The following SLC44A2 variants were observed in gnomAD, a reference collection of about 807,000 sequenced individuals.
SLC44A2 encodes solute carrier family 44 member 2 (CTL2 blood group), also known as choline transporter-like protein 2.
Under a neutral mutation model 90.8 loss-of-function variants are expected in SLC44A2, and 57 were observed. The ratio of observed to expected loss-of-function variants is 0.63; its 90% CI spans 0.51 to 0.78. The LOEUF is 0.78. Among genes scored for constraint, SLC44A2 ranks in the 30% least tolerant of loss-of-function variants. The pLI, the probability that SLC44A2 is intolerant of heterozygous loss-of-function variation, is 0.00. For missense variants in SLC44A2, 794 were observed against 919.7 expected (o/e 0.86, Z 1.77); for synonymous variants, 355 against 360.7 (o/e 0.98, Z 0.18).
At chr19:10,642,715 G>T (rs532809533) in intron 21 of SLC44A2, among the ~76,000 whole-genome samples, 108 of 152,250 alleles carry the variant, frequency 7.1e-4, no homozygotes, top group Non-Finnish European at 1.3e-3. Flanking sequence ...GGCTTTGACT[G>T]GGGGGAGGGG....
chr19:10,634,623 G>A (rs950859780), intron 10 of SLC44A2, 133 bp from the exon 11 acceptor site: 47 of 1,239,180 alleles, frequency 3.8e-5, no homozygotes, highest in Middle Eastern at 4.3e-4. Context: ...TGCACCGGGC[G>A]GTGGGAACTG....
rs759832103 is a variant in SLC44A2, at chr19:10,631,758, A to G, written c.626+9A>G. The G allele has an allele frequency of 4.3e-6, 7 of 1,613,766 alleles. No individual in the cohort carries two copies. In the Admixed American group the frequency reaches 8.3e-5, roughly 19 times the overall value. ...CTGGTGGAGGGCGCCAAGTGAGGAT[A>G]TTGGCGCACCGCGCCAGGGTCTCAC... On this transcript the variant is annotated intron_variant, in intron 8 of 21. Transcript: ENST00000335757.
intron 4 of SLC44A2, among the ~76,000 whole-genome samples, chr19:10,630,630 C>CAG (rs1464102897): frequency 1.4e-5 from 2 of 144,208 alleles, no homozygotes; most frequent in East Asian, 4.0e-4. Flanking sequence ...CATTGCACTC[C>CAG]AGCCTAGGCA....
At chr19:10,620,527 G>A (rs1016861128) in intron 1 of SLC44A2, among the ~76,000 whole-genome samples, 3 of 152,044 alleles carry the variant, frequency 2.0e-5, no homozygotes, top group Non-Finnish European at 4.4e-5. Flanking sequence ...TTCTAAGCTC[G>A]TTTTTATTTT....
At chr19:10,625,726 G>A in intron 1 of SLC44A2, 56 bp downstream of exon 1, 1 of 1,225,120 alleles carries the variant, frequency 8.2e-7, no homozygotes, top group Non-Finnish European at 1.0e-6. Flanking sequence ...CCTCGGAGGG[G>A]GCCTTGAGAG....
intron 4 of SLC44A2, among the ~76,000 whole-genome samples, chr19:10,629,749 A>G (rs1181088326): frequency 2.0e-5 from 3 of 150,914 alleles, no homozygotes; most frequent in African/African-American, 4.9e-5. Flanking sequence ...CTGGCCCTAT[A>G]TAAGATATCT....
At position 10,644,535 on chromosome 19, in the gene SLC44A2, A is replaced by G. The variant is rs2067148858; in HGVS notation, c.*1150A>G. On this transcript the variant is annotated 3_prime_UTR_variant, in exon 22 of 22. Transcript: ENST00000335757. ...GCGTGTAACTGCATTCCAACCACTA[A>G]TAAAGTGCCTATTGTACAGGTCCAG... is the stretch of plus-strand genomic sequence containing the variant. 6.6e-6 allele frequency: 1 copy of G among 152,384 alleles called. No homozygotes were observed. Among genetic ancestry groups the G allele is most frequent in the South Asian group, 2.1e-4 (1 of 4,830 alleles). The allele number at this position is 152,384 out of a possible 1,614,324, so 9.4% of individuals were successfully genotyped here.
intron 10 of SLC44A2, among the ~76,000 whole-genome samples, chr19:10,632,635 C>G (rs1208042605): frequency 2.0e-5 from 3 of 151,076 alleles, no homozygotes; most frequent in African/African-American, 7.3e-5. Flanking sequence ...TTTGCCAATT[C>G]TTTGGGCAAG....
chr19:10,611,012 A>T (rs774704041), intron 1 of SLC44A2, among the ~76,000 whole-genome samples: 24 of 151,412 alleles, frequency 1.6e-4, no homozygotes, highest in Non-Finnish European at 3.1e-4. Flanking sequence ...TTTTTAATTT[A>T]AAAAAAAATT....
Position 10,638,828 on chromosome 19 carries a change from T to G in SLC44A2, c.1929+513T>G, listed in dbSNP as rs189488252. On this transcript the variant is annotated intron_variant, in intron 20 of 21. Transcript: ENST00000335757. Reference sequence around the variant, plus strand: ...TTTTTTTTTTTTTTGAGATGGAGTTTCACTCTTGTTGCCCAGGCTGGAGTG... The same window carrying G: ...TTTTTTTTTTTTTTGAGATGGAGTTGCACTCTTGTTGCCCAGGCTGGAGTG... Among the ~76,000 whole-genome samples, 46 of 150,466 alleles carry G rather than the reference T, an allele frequency of 3.1e-4. No individual in the cohort carries two copies. In the Middle Eastern group the frequency reaches 0.014, roughly 46 times the overall value.
At position 10,631,923 on chromosome 19, in the gene SLC44A2, T is replaced by C. The variant is rs753281442; in HGVS notation, c.682T>C (p.Tyr228His). The stretch of plus-strand genomic sequence containing the variant: ...ACTCGCCATGCGCATATTTGAAGAT[T>C]ACACCGTCTCTTGGTACTGGATTAT... ...RQLAMRIFED[Y>H]TVSWYWIIIG... Residue 228 changes from tyrosine (Y) to histidine (H), a missense_variant, in exon 9 of 22, where the codon TAC becomes CAC. By Grantham distance (83) the Tyr-to-His change is moderately conservative. Coordinates refer to ENST00000335757, the MANE Select transcript of SLC44A2 (RefSeq NM_020428.4). The C allele has an allele frequency of 6.2e-7, 1 of 1,614,222 alleles. No homozygotes were observed. Among genetic ancestry groups the C allele is most frequent in the Non-Finnish European group, 8.5e-7 (1 of 1,180,046 alleles).
At chr19:10,602,464 G>T, upstream of SLC44A2, 1 of 1,116,146 alleles carries the variant, frequency 9.0e-7, no homozygotes, top group South Asian at 4.2e-5. Flanking sequence ...TGCAGCCCGC[G>T]GAGCCTCCCG....
upstream of SLC44A2, among the ~76,000 whole-genome samples, chr19:10,624,891 T>C (rs1183184916): frequency 1.3e-5 from 2 of 152,192 alleles, no homozygotes; most frequent in South Asian, 2.1e-4. Flanking sequence ...TCCCAGCACT[T>C]TGGGGGGCCA....
At position 10,632,094 on chromosome 19, in the gene SLC44A2, G is replaced by C; in HGVS notation, c.761G>C (p.Arg254Pro). 1 of 1,614,070 alleles carries C rather than the reference G, an allele frequency of 6.2e-7. No homozygotes were observed. Among genetic ancestry groups the C allele is most frequent in the Non-Finnish European group, 8.5e-7 (1 of 1,180,008 alleles). ...AGCCTCCTGTTCATCATCCTGCTTC[G>C]CTTCCTGGCTGGTATTATGGTCTGG... ...AMSLLFIILL[R>P]FLAGIMVWVM... is the part of the protein sequence containing the mutation. Residue 254 changes from arginine to proline, a missense_variant, in exon 10 of 22, where the codon CGC becomes CCC. Physicochemically the swap from Arg to Pro is moderately radical, Grantham distance 103. This residue lies in a region of SLC44A2 where 738 missense variants were observed against 841.1 expected (regional missense o/e 0.88). Transcript: ENST00000335757.
At chr19:10,604,515 G>A (rs1371287509) in intron 1 of SLC44A2, among the ~76,000 whole-genome samples, 2 of 152,164 alleles carry the variant, frequency 1.3e-5, no homozygotes, top group African/African-American at 4.8e-5. Flanking sequence ...CCCTGGGGAT[G>A]GTGTGGAAGA....
intron 1 of SLC44A2, chr19:10,602,677 G>T (rs1015900054): frequency 2.0e-6 from 2 of 982,252 alleles, no homozygotes; most frequent in African/African-American, 1.7e-5. Context: ...GGCCCTCCGC[G>T]CTCGGGCCCC....
At chr19:10,625,028 G>A (rs2066918873), upstream of SLC44A2, among the ~76,000 whole-genome samples, 1 of 152,120 alleles carries the variant, frequency 6.6e-6, no homozygotes, top group Admixed American at 6.6e-5. Flanking sequence ...CAGCTACTCA[G>A]GAGGCTTAGT....
chr19:10,628,709 G>A (rs1412375089), intron 4 of SLC44A2, among the ~76,000 whole-genome samples: 3 of 152,174 alleles, frequency 2.0e-5, no homozygotes, highest in Non-Finnish European at 4.4e-5. Context: ...AGAGGGGACA[G>A]TCCTGGATTA....
chr19:10,609,616 C>T (rs1163692908), intron 1 of SLC44A2, among the ~76,000 whole-genome samples: 1 of 151,972 alleles, frequency 6.6e-6, no homozygotes, highest in Non-Finnish European at 1.5e-5. Context: ...AATTTACATA[C>T]TAAAAAAACC....
Sources: allele counts gnomAD v4.1 joint callset (sites outside exome capture counted in the v4.1 genomes callset), GRCh38; gene constraint gnomAD v4.1.1; regional missense constraint gnomAD v4.1.1; transcripts MANE v1.5; gene names NCBI Gene and HGNC (gene_info 2026-07-23, HGNC 2026-07-21).